SHISAL2A: variants seen among roughly 807,000 people sequenced by gnomAD.
SHISAL2A encodes protein shisa-like-2A.
SHISAL2A carries 18 observed loss-of-function variants against 11.5 expected under a neutral mutation model. That is an observed-to-expected ratio of 1.57 (90% confidence interval 1.08 to 2.33). SHISAL2A has a LOEUF of 2.33. Ranked by LOEUF, SHISAL2A falls within the 30% of genes most tolerant of loss-of-function variation. The pLI is 0.00. For synonymous variants in SHISAL2A, 94 were observed against 99.6 expected (o/e 0.94, Z 0.34); for missense variants, 261 against 250.9 (o/e 1.04, Z -0.27).
At chr1:52,654,550 G>A (rs939673440) in intron 2 of SHISAL2A, among the ~76,000 whole-genome samples, 3 of 152,114 alleles carry the variant, frequency 2.0e-5, no homozygotes, top group Non-Finnish European at 4.4e-5. Flanking sequence ...TTCAACTGGG[G>A]AAGATAGTCT....
intron 2 of SHISAL2A, among the ~76,000 whole-genome samples, chr1:52,650,042 T>C (rs1691592484): frequency 6.6e-6 from 1 of 152,176 alleles, no homozygotes; most frequent in Non-Finnish European, 1.5e-5. Flanking sequence ...GCCAGAGACC[T>C]TTCCCTGCAG....
intron 2 of SHISAL2A, among the ~76,000 whole-genome samples, chr1:52,645,221 G>C (rs1400712622): frequency 1.3e-5 from 2 of 152,142 alleles, no homozygotes; most frequent in South Asian, 4.1e-4. Flanking sequence ...TGATGACTGT[G>C]AATAATCCAG....
At chr1:52,640,857 T>C (rs182312834) in intron 1 of SHISAL2A, among the ~76,000 whole-genome samples, 1 of 152,274 alleles carries the variant, frequency 6.6e-6, no homozygotes, top group East Asian at 1.9e-4. Flanking sequence ...TGGGGGCTGG[T>C]TGCCGGGGAA....
chr1:52,642,349 A>C (rs879801849), intron 1 of SHISAL2A, among the ~76,000 whole-genome samples: 9 of 152,114 alleles, frequency 5.9e-5, no homozygotes, highest in Admixed American at 5.9e-4. Flanking sequence ...TTTCTTTCCC[A>C]TGCTGAAGCA....
intron 2 of SHISAL2A, among the ~76,000 whole-genome samples, chr1:52,644,301 G>C (rs561528353): frequency 1.3e-5 from 2 of 152,364 alleles, no homozygotes; most frequent in Admixed American, 6.5e-5. Flanking sequence ...TCCCAGCATA[G>C]GGTAAGTAGT....
downstream of SHISAL2A, among the ~76,000 whole-genome samples, chr1:52,660,968 G>A (rs1375951786): frequency 6.6e-6 from 1 of 152,174 alleles, no homozygotes; most frequent in African/African-American, 2.4e-5. Flanking sequence ...CCCACTGACA[G>A]GTGAAAGGAG....
intron 1 of SHISAL2A, among the ~76,000 whole-genome samples, chr1:52,642,203 G>T (rs898336630): frequency 3.3e-5 from 5 of 152,130 alleles, no homozygotes; most frequent in Non-Finnish European, 7.4e-5. Flanking sequence ...AGCAGTATGG[G>T]GGGGTCCCCT....
chr1:52,637,538 C>T (rs898957368), intron 1 of SHISAL2A, among the ~76,000 whole-genome samples: 7 of 152,262 alleles, frequency 4.6e-5, no homozygotes, highest in South Asian at 2.1e-4. Flanking sequence ...GCTGTCACAC[C>T]GTCTGGTCCA....
At chr1:52,659,271 G>A (rs1426829932), downstream of SHISAL2A, 1 of 152,500 alleles carries the variant, frequency 6.6e-6, no homozygotes, top group African/African-American at 2.4e-5. Flanking sequence ...TGGTTGCTAT[G>A]TTGCCTAGGC....
At chr1:52,642,034 G>A (rs1691377278) in intron 1 of SHISAL2A, among the ~76,000 whole-genome samples, 1 of 152,230 alleles carries the variant, frequency 6.6e-6, no homozygotes, top group Non-Finnish European at 1.5e-5. Flanking sequence ...AGCCCAGGAG[G>A]TTGAGGATGC....
chr1:52,651,016 G>A (rs1691632304), intron 2 of SHISAL2A, among the ~76,000 whole-genome samples: 1 of 150,454 alleles, frequency 6.6e-6, no homozygotes, highest in African/African-American at 2.5e-5. Context: ...AAAAAAAAGT[G>A]AGTGGAACCT....
At chr1:52,654,920 T>C (rs1691757035) in intron 2 of SHISAL2A, among the ~76,000 whole-genome samples, 1 of 152,118 alleles carries the variant, frequency 6.6e-6, no homozygotes, top group Non-Finnish European at 1.5e-5. Context: ...TGGTGGCTCA[T>C]GCCTGTAATC....
chr1:52,636,980 A>G (rs191730257), intron 1 of SHISAL2A, among the ~76,000 whole-genome samples: 4 of 152,238 alleles, frequency 2.6e-5, no homozygotes, highest in Admixed American at 2.6e-4. Flanking sequence ...GCACCCAGCC[A>G]GGACCCTTTC....
rs560300209 is a variant in SHISAL2A at position 52,642,428 on chromosome 1, A to AAT, written c.183-435_183-434insAT. ...AGCTGATTCCTACAACACAACACTAATTTTTTTTTTTTTTTGAGATGGAGT... is the reference window on the plus strand; with the variant it reads ...AGCTGATTCCTACAACACAACACTAAATTTTTTTTTTTTTTTTGAGATGGAGT... On this transcript the variant is annotated intron_variant, in intron 1 of 2. Coordinates refer to ENST00000517870, the MANE Select transcript of SHISAL2A (RefSeq NM_001042693.3). Among the ~76,000 whole-genome samples, 327 of 145,906 alleles carry AAT rather than the reference A, an allele frequency of 2.2e-3. 2 individuals carry two copies. Among genetic ancestry groups the AAT allele is most frequent in the African/African-American group, 7.9e-3 (311 of 39,504 alleles).
Position 52,665,718 on chromosome 1 carries a change from C to A in SHISAL2A, n.696-1681C>A, listed in dbSNP as rs534611280. Among the ~76,000 whole-genome samples the A allele has an allele frequency of 3.9e-5, 6 of 152,218 alleles. No individual in the cohort carries two copies. The East Asian group carries it at 1.2e-3, about 29-fold the overall frequency. ...CTACCCATCCCCACCTCCCTCCCATCCTTCTTCTCAAGCACCATCCCCCCC... is the reference window on the plus strand; with the variant it reads ...CTACCCATCCCCACCTCCCTCCCATACTTCTTCTCAAGCACCATCCCCCCC... On this transcript the variant is annotated intron_variant and non_coding_transcript_variant, in intron 4 of 5. Transcript: ENST00000401050.
chr1:52,663,324 G>A (rs1340971190), intron 4 of SHISAL2A, among the ~76,000 whole-genome samples: 1 of 152,136 alleles, frequency 6.6e-6, no homozygotes, highest in African/African-American at 2.4e-5. Flanking sequence ...CCCAAGCACA[G>A]GTTCCCTCCA....
At chr1:52,636,027 C>T (rs1243119180) in intron 1 of SHISAL2A, among the ~76,000 whole-genome samples, 1 of 152,216 alleles carries the variant, frequency 6.6e-6, no homozygotes. Flanking sequence ...TGTTGAAGGC[C>T]CACTGTGTAG....
At chr1:52,648,587 C>T (rs1558089666) in intron 2 of SHISAL2A, among the ~76,000 whole-genome samples, 1 of 152,116 alleles carries the variant, frequency 6.6e-6, no homozygotes, top group African/African-American at 2.4e-5. Flanking sequence ...AAATTTCACA[C>T]ACACCATCTC....
downstream of SHISAL2A, among the ~76,000 whole-genome samples, chr1:52,659,010 A>T (rs1317226514): frequency 6.6e-6 from 1 of 151,146 alleles, no homozygotes; most frequent in East Asian, 2.0e-4. Context: ...GTCTTGCTTC[A>T]TTTGTTGTTG....
Sources: gnomAD v4.1 joint callset for allele counts (sites outside exome capture counted in the v4.1 genomes callset) on GRCh38, gnomAD v4.1.1 for gene constraint, MANE v1.5 for transcripts, NCBI Gene and HGNC (gene_info 2026-07-23, HGNC 2026-07-21) for gene names.